FMN1: variants seen among roughly 807,000 people sequenced by gnomAD.
FMN1 encodes the protein formin-1.
In FMN1, 110 loss-of-function variants were observed where a neutral mutation model predicts 132.4. The observed-to-expected ratio is 0.83, with a 90% confidence interval of 0.71 to 0.97. FMN1 has a LOEUF of 0.97. FMN1 is among the 50% of genes least tolerant of loss of function. FMN1 has a pLI of 0.00. For synonymous variants in FMN1, 722 were observed against 651.7 expected (o/e 1.11, Z -1.64); for missense variants, 1,792 against 1,705.3 (o/e 1.05, Z -0.90).
rs1265368972 is a variant in FMN1 at position 32,842,449 on chromosome 15, T to C, written c.3928+14566A>G. On this transcript the variant is annotated intron_variant, in intron 17 of 20. Transcript: ENST00000616417. ...TTAAACTGTGAGAGATAGGCATACATTGTTGTAGCCTACTAAGTTTTGAGA... is the reference window on the plus strand; with the variant it reads ...TTAAACTGTGAGAGATAGGCATACACTGTTGTAGCCTACTAAGTTTTGAGA... Among the ~76,000 whole-genome samples, 7 of 152,212 alleles carry C rather than the reference T, an allele frequency of 4.6e-5. 1 individual carries two copies. In the South Asian group the frequency reaches 1.0e-3, roughly 22 times the overall value.
Position 33,097,875 on chromosome 15 carries a change from T to C in FMN1, c.1868-8901A>G, listed in dbSNP as rs116651377. On this transcript the variant is annotated intron_variant, in intron 4 of 20. Coordinates refer to ENST00000616417, the MANE Select transcript of FMN1 (RefSeq NM_001277313.2). ...GCTTGACAGAAAATCAGTACAGATA[T>C]AGAAAAACTAAACATTACCCATCAA... Among the ~76,000 whole-genome samples, 1,497 of 152,280 alleles carry C rather than the reference T, an allele frequency of 9.8e-3. 31 individuals carry two copies. Among genetic ancestry groups the C allele is most frequent in the African/African-American group, 0.034 (1,421 of 41,556 alleles).
At chr15:33,168,120 G>A (rs1041458541) in intron 3 of FMN1, among the ~76,000 whole-genome samples, 5 of 152,160 alleles carry the variant, frequency 3.3e-5, no homozygotes, top group African/African-American at 1.2e-4. Flanking sequence ...GCTTAGGGAG[G>A]TTAAGTAACT....
intron 16 of FMN1, among the ~76,000 whole-genome samples, chr15:32,880,611 G>A (rs1206034000): frequency 6.6e-6 from 1 of 152,142 alleles, no homozygotes; most frequent in Admixed American, 6.5e-5. Flanking sequence ...GCATCCTGAA[G>A]ATAACTGTAT....
intron 6 of FMN1, among the ~76,000 whole-genome samples, chr15:33,037,402 C>T (rs2036237468): frequency 6.6e-6 from 1 of 151,890 alleles, no homozygotes; most frequent in African/African-American, 2.4e-5. Flanking sequence ...AAAATTTTGT[C>T]GGAGAGCCTG....
intron 9 of FMN1, among the ~76,000 whole-genome samples, chr15:32,953,953 G>T (rs78487236): frequency 2.0e-5 from 3 of 152,148 alleles, no homozygotes; most frequent in Admixed American, 2.0e-4. Flanking sequence ...ATGTGGGAAC[G>T]TATCCACATT....
intron 7 of FMN1, among the ~76,000 whole-genome samples, chr15:32,982,337 A>G (rs1397367023): frequency 1.3e-5 from 2 of 152,228 alleles, no homozygotes; most frequent in Non-Finnish European, 2.9e-5. Flanking sequence ...TGGTACAGTC[A>G]CTTTGGAAAG....
chr15:33,144,122 T>A lies in FMN1; in HGVS notation c.1867+8926A>T, dbSNP rs149264389. Among the ~76,000 whole-genome samples, 104 of 152,326 alleles carry A rather than the reference T, an allele frequency of 6.8e-4. 1 individual carries two copies. The East Asian group carries it at 0.02, about 29-fold the overall frequency. On this transcript the variant is annotated intron_variant, in intron 4 of 20. Coordinates refer to ENST00000616417, the MANE Select transcript of FMN1 (RefSeq NM_001277313.2). ...GACCTTTGTTTTTCTTTTCTTTTGCTCTTTCATCCTTTAAGATTTCACACT... is the reference window on the plus strand; with the variant it reads ...GACCTTTGTTTTTCTTTTCTTTTGCACTTTCATCCTTTAAGATTTCACACT...
At chr15:32,943,979 C>T (rs775814413) in intron 9 of FMN1, among the ~76,000 whole-genome samples, 1 of 152,130 alleles carries the variant, frequency 6.6e-6, no homozygotes, top group Non-Finnish European at 1.5e-5. Flanking sequence ...CATGGGGGAA[C>T]CAACTGGCAG....
intron 9 of FMN1, among the ~76,000 whole-genome samples, chr15:32,950,951 A>T (rs1274763399): frequency 6.6e-6 from 1 of 152,054 alleles, no homozygotes; most frequent in Non-Finnish European, 1.5e-5. Flanking sequence ...AATTCCTTGA[A>T]ATTTTATTGA....
Position 33,125,826 on chromosome 15 carries a change from G to A in FMN1, c.1867+27222C>T, listed in dbSNP as rs553592232. ...TTCCTATTTTCATGTAGTTCATCAA[G>A]AATGTGCTTCATCAGTAATACTAAA... On this transcript the variant is annotated intron_variant, in intron 4 of 20. Transcript: ENST00000616417. 2.6e-5 allele frequency among the ~76,000 whole-genome samples: 4 copies of A among 152,220 alleles called. No homozygotes were observed. In the East Asian group the frequency reaches 7.7e-4, roughly 29 times the overall value.
intron 4 of FMN1, chr15:33,105,636 T>G (rs1176101272): frequency 3.3e-5 from 5 of 152,194 alleles, no homozygotes; most frequent in Non-Finnish European, 7.4e-5. Context: ...ACTAAAACTG[T>G]ATTTTCTTAT....
intron 17 of FMN1, among the ~76,000 whole-genome samples, chr15:32,834,257 T>G (rs138857855): frequency 2.6e-3 from 397 of 152,356 alleles, no homozygotes; most frequent in African/African-American, 9.1e-3. Flanking sequence ...CTCAGGATCC[T>G]ACATCCCTTG....
At position 32,881,781 on chromosome 15, in the gene FMN1, T is replaced by C. The variant is rs574708041; in HGVS notation, c.3835+6391A>G. Among the ~76,000 whole-genome samples, 20 of 152,274 alleles carry C rather than the reference T, an allele frequency of 1.3e-4. No homozygotes were observed. The East Asian group carries it at 1.5e-3, about 12-fold the overall frequency. ...GGGCTGGTCTTGAGCACAGGAAGCA[T>C]AGCTCACCCTCTTATGTGACTTGAC... On this transcript the variant is annotated intron_variant, in intron 16 of 20. Transcript: ENST00000616417.
chr15:32,895,762 C>CCA lies in FMN1; in HGVS notation c.3714+3071_3714+3072insTG, dbSNP rs35151092. 2.6e-5 allele frequency among the ~76,000 whole-genome samples: 4 copies of CCA among 151,660 alleles called. No homozygotes were observed. The East Asian group carries it at 7.8e-4, about 29-fold the overall frequency. On this transcript the variant is annotated intron_variant, in intron 15 of 20. Transcript: ENST00000616417. ...GAAAGTTTTTTTTCTTGTTAATTCT[C>CCA]GAGTTCATTGTCTATTATGTTGTAA...
chr15:33,128,353 G>T (rs1353216296), intron 4 of FMN1, among the ~76,000 whole-genome samples: 1 of 152,086 alleles, frequency 6.6e-6, no homozygotes, highest in East Asian at 1.9e-4. Flanking sequence ...GATCCTTGAC[G>T]ATCTCAAGGA....
chr15:32,964,431 T>C (rs2030983793), intron 8 of FMN1, among the ~76,000 whole-genome samples, 174 bp from the exon 9 acceptor site: 1 of 152,184 alleles, frequency 6.6e-6, no homozygotes, highest in Admixed American at 6.5e-5. Flanking sequence ...AGTCAAAATA[T>C]ACTATAGAAC....
In FMN1 at chr15:33,148,827, T is replaced by C. The variant is rs543883002; in HGVS notation, c.1867+4221A>G. On this transcript the variant is annotated intron_variant, in intron 4 of 20. Coordinates refer to ENST00000616417, the MANE Select transcript of FMN1 (RefSeq NM_001277313.2). ...TCCCTACCTCCTGGACTAGTGCTTT[T>C]TGAGCATGGCTTTTACAGGTCTCTA... Among the ~76,000 whole-genome samples, 3 of 152,274 alleles carry C rather than the reference T, an allele frequency of 2.0e-5. No individual in the cohort carries two copies. In the South Asian group the frequency reaches 6.2e-4, roughly 32 times the overall value.
intron 17 of FMN1, among the ~76,000 whole-genome samples, chr15:32,812,024 A>G (rs545428439): frequency 1.4e-5 from 2 of 142,594 alleles, no homozygotes; most frequent in South Asian, 4.6e-4. Context: ...CTAAACAAAC[A>G]AACAAACAAA....
chr15:32,783,707 T>C (rs1399515154), intron 19 of FMN1, among the ~76,000 whole-genome samples: 1 of 128,368 alleles, frequency 7.8e-6, no homozygotes, highest in African/African-American at 3.0e-5. Flanking sequence ...ATTGTGCCAC[T>C]GCACTCCAGC....
Sources: allele counts gnomAD v4.1 joint callset (sites outside exome capture counted in the v4.1 genomes callset), GRCh38; gene constraint gnomAD v4.1.1; transcripts MANE v1.5; gene names NCBI Gene and HGNC (gene_info 2026-07-23, HGNC 2026-07-21).